MACROD2: variants seen among roughly 807,000 people sequenced by gnomAD.
The protein encoded by MACROD2 is ADP-ribose glycohydrolase MACROD2.
MACROD2 carries 36 observed loss-of-function variants against 70.4 expected under a neutral mutation model. The ratio of observed to expected loss-of-function variants is 0.51; its 90% CI spans 0.39 to 0.68. The LOEUF (loss-of-function observed/expected upper bound fraction) is 0.68. MACROD2 is among the 30% of genes least tolerant of loss of function. MACROD2 has a pLI of 0.00. For missense variants in MACROD2, 496 were observed against 538.4 expected, an observed-to-expected ratio of 0.92 and a Z score of 0.78; for synonymous variants, 172 against 178.8, an observed-to-expected ratio of 0.96 and a Z score of 0.30.
At chr20:15,660,168 G>C (rs2049798262) in intron 8 of MACROD2, among the ~76,000 whole-genome samples, 1 of 151,966 alleles carries the variant, frequency 6.6e-6, no homozygotes, top group Non-Finnish European at 1.5e-5. Flanking sequence ...GAACAAAAAA[G>C]AAGTCAGGCA....
chr20:14,478,106 A>G lies in MACROD2; in HGVS notation c.272-15373A>G, dbSNP rs140092162. Among the ~76,000 whole-genome samples the G allele has an allele frequency of 4.6e-5, 7 of 152,292 alleles. No individual in the cohort carries two copies. In the East Asian group the frequency reaches 1.4e-3, roughly 29 times the overall value. ...AACATTTTTAGGATAAAAACCTGTG[A>G]AAGAATGGAAAAGGAGGCAAAACTG... On this transcript the variant is annotated intron_variant, in intron 3 of 17. Transcript: ENST00000684519.
chr20:15,776,476 T>C (rs1363690080), intron 8 of MACROD2, among the ~76,000 whole-genome samples: 2 of 152,180 alleles, frequency 1.3e-5, no homozygotes, highest in Non-Finnish European at 2.9e-5. Context: ...AGCTCTCTGC[T>C]CCATTTGGTG....
chr20:14,739,341 C>A (rs964326333), intron 5 of MACROD2, among the ~76,000 whole-genome samples: 1 of 151,660 alleles, frequency 6.6e-6, no homozygotes, highest in African/African-American at 2.4e-5. Flanking sequence ...TGTATGCTAC[C>A]TTTTTTGGCA....
At chr20:14,658,361 A>G (rs1986073513) in intron 4 of MACROD2, among the ~76,000 whole-genome samples, 1 of 151,684 alleles carries the variant, frequency 6.6e-6, no homozygotes, top group South Asian at 2.1e-4. Flanking sequence ...AATTATCTTA[A>G]TACTTTCTGG....
chr20:15,173,221 C>G (rs908733728), intron 5 of MACROD2, among the ~76,000 whole-genome samples: 1 of 152,040 alleles, frequency 6.6e-6, no homozygotes, highest in Admixed American at 6.6e-5. Flanking sequence ...ATTAATTTTG[C>G]ACATTGTTTC....
intron 5 of MACROD2, among the ~76,000 whole-genome samples, chr20:14,967,724 T>C (rs1026949126): frequency 6.6e-6 from 1 of 152,196 alleles, no homozygotes; most frequent in Non-Finnish European, 1.5e-5. Flanking sequence ...TCCATGCTAG[T>C]GCTTTTGAGT....
intron 7 of MACROD2, among the ~76,000 whole-genome samples, chr20:15,464,967 G>C (rs2046865997): frequency 1.3e-5 from 2 of 152,074 alleles, no homozygotes; most frequent in South Asian, 4.1e-4. Flanking sequence ...TCCCGTGGAG[G>C]GAGACCTGAT....
At chr20:14,295,824 CT>C (rs1378712220) in intron 3 of MACROD2, among the ~76,000 whole-genome samples, 1 of 151,774 alleles carries the variant, frequency 6.6e-6, no homozygotes, top group African/African-American at 2.4e-5. Context: ...GAGGATAAAA[CT>C]TTTATTGCAC....
intron 5 of MACROD2, among the ~76,000 whole-genome samples, chr20:15,183,805 A>G (rs557777285): frequency 6.6e-6 from 1 of 152,230 alleles, no homozygotes; most frequent in African/African-American, 2.4e-5. Context: ...AAACATTTTC[A>G]CAAGTGTGCA....
At chr20:15,899,070 G>A (rs766288581) in intron 10 of MACROD2, among the ~76,000 whole-genome samples, 6 of 150,518 alleles carry the variant, frequency 4.0e-5, no homozygotes, top group Admixed American at 6.6e-5. Flanking sequence ...ATATATGTGT[G>A]TGCACATATA....
chr20:14,627,399 A>G (rs921324700), intron 4 of MACROD2, among the ~76,000 whole-genome samples: 4 of 152,152 alleles, frequency 2.6e-5, no homozygotes, highest in Admixed American at 1.3e-4. Flanking sequence ...TGCCTTGATG[A>G]GCCCATTGTG....
chr20:15,968,567 A>C (rs1188731980), intron 13 of MACROD2, among the ~76,000 whole-genome samples: 1 of 151,866 alleles, frequency 6.6e-6, no homozygotes, highest in African/African-American at 2.4e-5. Flanking sequence ...TAATTGTTCT[A>C]TCAAATAATT....
chr20:15,068,139 G>T (rs979552974), intron 5 of MACROD2, among the ~76,000 whole-genome samples: 7 of 152,040 alleles, frequency 4.6e-5, no homozygotes, highest in African/African-American at 1.7e-4. Context: ...GAGGATAAAA[G>T]ATTATAATTT....
intron 3 of MACROD2, among the ~76,000 whole-genome samples, chr20:14,239,317 C>T (rs2081908351): frequency 6.6e-6 from 1 of 152,158 alleles, no homozygotes; most frequent in African/African-American, 2.4e-5. Flanking sequence ...TTTACAGATT[C>T]AATGCTATTA....
chr20:15,580,853 T>G (rs75841336), intron 8 of MACROD2, among the ~76,000 whole-genome samples: 1,630 of 152,138 alleles, frequency 0.011, 29 homozygotes, highest in African/African-American at 0.033. Context: ...TAGTAAATGA[T>G]TTTTAGGGGA....
At chr20:15,768,909 G>A (rs2051574219) in intron 8 of MACROD2, among the ~76,000 whole-genome samples, 1 of 152,070 alleles carries the variant, frequency 6.6e-6, no homozygotes, top group African/African-American at 2.4e-5. Flanking sequence ...GATCATCGAT[G>A]TCACTATCTT....
chr20:14,819,383 GA>G (rs142838363), intron 5 of MACROD2, among the ~76,000 whole-genome samples: 16,023 of 103,094 alleles, frequency 0.16, 1,292 homozygotes, highest in East Asian at 0.35. Flanking sequence ...GTATTGATAA[GA>G]AAAAAAAAAA....
chr20:15,360,624 A>C (rs2078341084), intron 6 of MACROD2, among the ~76,000 whole-genome samples: 1 of 151,922 alleles, frequency 6.6e-6, no homozygotes, highest in African/African-American at 2.4e-5. Flanking sequence ...TTCATGGTGC[A>C]TTTTCTAAGA....
chr20:15,057,727 C>T (rs1272810811), intron 5 of MACROD2, among the ~76,000 whole-genome samples: 3 of 152,166 alleles, frequency 2.0e-5, no homozygotes, highest in Non-Finnish European at 4.4e-5. Flanking sequence ...TTGTGTGTCC[C>T]ATTAACTGCC....
Sources: gnomAD v4.1 joint callset for allele counts (sites outside exome capture counted in the v4.1 genomes callset) on GRCh38, gnomAD v4.1.1 for gene constraint, MANE v1.5 for transcripts, NCBI Gene and HGNC (gene_info 2026-07-23, HGNC 2026-07-21) for gene names.